The following PPM1H variants were observed in gnomAD, a reference collection of about 807,000 sequenced individuals.
PPM1H encodes the protein protein phosphatase 1H.
In PPM1H, 27 loss-of-function variants were observed where a neutral mutation model predicts 54.9. The observed-to-expected ratio is 0.49, with a 90% CI of 0.36 to 0.68. PPM1H has a LOEUF of 0.68. Among genes scored for constraint, PPM1H ranks in the 30% least tolerant of loss-of-function variants. PPM1H has a pLI of 0.00. For synonymous variants in PPM1H, 305 were observed against 270.8 expected, an observed-to-expected ratio of 1.13 and a Z score of -1.24; for missense variants, 596 against 667.8, an observed-to-expected ratio of 0.89 and a Z score of 1.19.
chr12:62,676,557 G>A (rs2075987689), intron 8 of PPM1H, among the ~76,000 whole-genome samples: 1 of 152,202 alleles, frequency 6.6e-6, no homozygotes, highest in South Asian at 2.1e-4. Context: ...TGTTCCTGCT[G>A]CCTGGCCTCT....
intron 5 of PPM1H, among the ~76,000 whole-genome samples, chr12:62,735,753 G>A (rs2076346337): frequency 6.6e-6 from 1 of 152,192 alleles, no homozygotes; most frequent in Non-Finnish European, 1.5e-5. Flanking sequence ...AGGATTAGGG[G>A]ACACTTTGCA....
chr12:62,742,009 G>A (rs2076383971), intron 4 of PPM1H, among the ~76,000 whole-genome samples: 1 of 150,890 alleles, frequency 6.6e-6, no homozygotes. Flanking sequence ...TGTTCTGGCT[G>A]AGTTGCCACC....
At position 62,890,807 on chromosome 12, in the gene PPM1H, T is replaced by G. The variant is rs937048067; in HGVS notation, c.245+43685A>C. ...GAAAACATGTCTAACACTTAACTCC[T>G]TTAAGACTTGACTGTTTGAAGGCCA... On this transcript the variant is annotated intron_variant, in intron 1 of 9. Transcript: ENST00000228705. Among the ~76,000 whole-genome samples, 15 of 151,650 alleles carry G rather than the reference T, an allele frequency of 9.9e-5. No individual in the cohort carries two copies. In the East Asian group the frequency reaches 1.8e-3, roughly 18 times the overall value.
At chr12:62,754,083 A>T (rs2076456281) in intron 4 of PPM1H, among the ~76,000 whole-genome samples, 1 of 152,176 alleles carries the variant, frequency 6.6e-6, no homozygotes, top group African/African-American at 2.4e-5. Context: ...ACTTCAATGG[A>T]TTATATTTTA....
At chr12:62,737,416 C>T (rs2076356732) in intron 5 of PPM1H, 86 bp downstream of exon 5, 4 of 871,254 alleles carry the variant, frequency 4.6e-6, no homozygotes, top group South Asian at 3.6e-5. Context: ...AGCCTGCTCC[C>T]ATGTCAGTAG....
chr12:62,750,271 C>A (rs7955587), intron 4 of PPM1H, among the ~76,000 whole-genome samples: 96 of 152,284 alleles, frequency 6.3e-4, no homozygotes, highest in African/African-American at 2.2e-3. Context: ...TTTTTAGTAG[C>A]CACTCCCCAT....
chr12:62,676,446 T>C (rs1192190264), intron 8 of PPM1H, among the ~76,000 whole-genome samples: 2 of 152,156 alleles, frequency 1.3e-5, no homozygotes, highest in African/African-American at 4.8e-5. Context: ...CCTGTCCTCC[T>C]GGGTGCAGGT....
At chr12:62,923,289 G>T (rs1465817829) in intron 1 of PPM1H, among the ~76,000 whole-genome samples, 1 of 152,214 alleles carries the variant, frequency 6.6e-6, no homozygotes, top group Non-Finnish European at 1.5e-5. Context: ...ACAGATAAAT[G>T]ATAAAGCAAA....
Position 62,644,604 on chromosome 12 carries a change from C to T in PPM1H, c.*3885G>A, listed in dbSNP as rs1257582647. 6.6e-6 allele frequency: 1 copy of T among 152,230 alleles called. No individual in the cohort carries two copies. Among genetic ancestry groups the T allele is most frequent in the East Asian group, 1.9e-4 (1 of 5,202 alleles). 9.4% of individuals were successfully genotyped at this position (152,230 alleles called of 1,614,324 possible). On this transcript the variant is annotated 3_prime_UTR_variant, in exon 10 of 10. Transcript: ENST00000228705. ...GACCGGCACTCCATCTGACAAAAGC[C>T]ACAGTGCTCACAGAAGAGGCAAGTC...
At chr12:62,816,568 G>A (rs1267531892) in intron 2 of PPM1H, among the ~76,000 whole-genome samples, 1 of 152,096 alleles carries the variant, frequency 6.6e-6, no homozygotes, top group African/African-American at 2.4e-5. Context: ...TTATGTATAT[G>A]CAAATAGTCC....
intron 4 of PPM1H, among the ~76,000 whole-genome samples, chr12:62,748,067 G>C (rs377498351): frequency 1.3e-5 from 2 of 152,182 alleles, no homozygotes; most frequent in East Asian, 3.9e-4. Flanking sequence ...AATTTCTATG[G>C]AGTAAAAGGT....
intron 1 of PPM1H, among the ~76,000 whole-genome samples, chr12:62,832,675 T>C (rs1868386778): frequency 6.6e-6 from 1 of 152,104 alleles, no homozygotes; most frequent in South Asian, 2.1e-4. Context: ...CTCCAAGTGA[T>C]AAACAGCAAA....
At chr12:62,928,229 C>A (rs1233388058) in intron 1 of PPM1H, among the ~76,000 whole-genome samples, 2 of 152,064 alleles carry the variant, frequency 1.3e-5, no homozygotes, top group African/African-American at 4.8e-5. Flanking sequence ...GGAGATGGGC[C>A]AAACAAATCA....
rs539665862 is a variant in PPM1H, at chr12:62,881,656, T to C, written c.246-49377A>G. 3.9e-5 allele frequency among the ~76,000 whole-genome samples: 6 copies of C among 152,304 alleles called. No homozygotes were observed. The South Asian group carries it at 1.2e-3, about 32-fold the overall frequency. The stretch of plus-strand genomic sequence containing the variant: ...ATTCACTTTGTAGCTACTTGTTCTG[T>C]TTCTCTGGTTGAACCCTGACAAACC... On this transcript the variant is annotated intron_variant, in intron 1 of 9. Coordinates refer to ENST00000228705, the MANE Select transcript of PPM1H (RefSeq NM_020700.2).
chr12:62,920,273 C>T (rs1009223846), intron 1 of PPM1H, among the ~76,000 whole-genome samples: 1 of 152,154 alleles, frequency 6.6e-6, no homozygotes, highest in African/African-American at 2.4e-5. Context: ...TTATTTACAA[C>T]AAAATATTAT....
chr12:62,857,304 T>C (rs1343770298), intron 1 of PPM1H, among the ~76,000 whole-genome samples: 1 of 152,162 alleles, frequency 6.6e-6, no homozygotes, highest in Non-Finnish European at 1.5e-5. Context: ...GAACTCAAAC[T>C]CCATTCAGTG....
chr12:62,766,857 G>A (rs930992874), intron 4 of PPM1H, among the ~76,000 whole-genome samples: 1 of 152,156 alleles, frequency 6.6e-6, no homozygotes, highest in African/African-American at 2.4e-5. Flanking sequence ...AAGGGTGCGA[G>A]GAATAGAAAT....
At chr12:62,667,801 G>GGAGA (rs1371548046) in intron 8 of PPM1H, among the ~76,000 whole-genome samples, 2 of 152,156 alleles carry the variant, frequency 1.3e-5, no homozygotes, top group Non-Finnish European at 2.9e-5. Flanking sequence ...AGTCTGTGGG[G>GGAGA]GAGATAAAAC....
At chr12:62,833,178 C>G (rs956047163) in intron 1 of PPM1H, among the ~76,000 whole-genome samples, 1 of 152,142 alleles carries the variant, frequency 6.6e-6, no homozygotes. Context: ...GTGTCACAGT[C>G]CTGACAGAGT....
Sources: allele counts gnomAD v4.1 joint callset (sites outside exome capture counted in the v4.1 genomes callset), GRCh38; gene constraint gnomAD v4.1.1; transcripts MANE v1.5; gene names NCBI Gene and HGNC (gene_info 2026-07-23, HGNC 2026-07-21).